The following CLEC2A variants were observed in gnomAD, a reference collection of about 807,000 sequenced individuals.
CLEC2A encodes C-type lectin domain family 2 member A.
CLEC2A carries 19 observed loss-of-function variants against 18.6 expected under a neutral mutation model. The ratio of observed to expected loss-of-function variants is 1.02; its 90% CI spans 0.71 to 1.50. The LOEUF (loss-of-function observed/expected upper bound fraction) is 1.50. Among genes scored for constraint, CLEC2A ranks in the 40% most tolerant of loss-of-function variants. The pLI is 0.00. For synonymous variants in CLEC2A, 74 were observed against 64.0 expected (o/e 1.16, Z -0.75); for missense variants, 190 against 207.9 (o/e 0.91, Z 0.53).
intron 2 of CLEC2A, among the ~76,000 whole-genome samples, chr12:9,924,984 C>A (rs531590183): frequency 6.6e-6 from 1 of 152,318 alleles, no homozygotes. Context: ...TGTGTGCAAA[C>A]AACATTTGTT....
the CLEC2A span, among the ~76,000 whole-genome samples, chr12:9,879,961 C>T: frequency 6.6e-6 from 1 of 152,198 alleles, no homozygotes; most frequent in East Asian, 1.9e-4. Context: ...ATCTCCACCT[C>T]AACCATACCT....
At chr12:9,883,207 A>G in the CLEC2A span, among the ~76,000 whole-genome samples, 12 of 152,224 alleles carry the variant, frequency 7.9e-5, no homozygotes, top group African/African-American at 2.4e-5. Context: ...AGTTACACCT[A>G]TTCCTTAAGA....
chr12:9,922,364 T>A, intron 2 of CLEC2A, 132 bp from the exon 3 acceptor site: 1 of 598,718 alleles, frequency 1.7e-6, no homozygotes, highest in South Asian at 3.5e-5. Context: ...CTCCCCAGAA[T>A]GAGGATGAAT....
At chr12:9,910,460 C>G (rs1010770889), downstream of CLEC2A, among the ~76,000 whole-genome samples, 1 of 152,078 alleles carries the variant, frequency 6.6e-6, no homozygotes. Flanking sequence ...TTCTTGCCCT[C>G]CCTTCTTCTA....
chr12:9,901,623 G>T (rs1421406060), intron 4 of CLEC2A, among the ~76,000 whole-genome samples: 1 of 151,728 alleles, frequency 6.6e-6, no homozygotes, highest in Non-Finnish European at 1.5e-5. Context: ...GACACTGTAG[G>T]GGCCCTCTGA....
chr12:9,918,999 G>T (rs1290371678), intron 3 of CLEC2A, among the ~76,000 whole-genome samples: 1 of 152,184 alleles, frequency 6.6e-6, no homozygotes, highest in Non-Finnish European at 1.5e-5. Flanking sequence ...TGATCCAGTA[G>T]GTTGCGCTTG....
the CLEC2A span, among the ~76,000 whole-genome samples, chr12:9,885,232 C>T: frequency 6.6e-6 from 1 of 151,606 alleles, no homozygotes; most frequent in East Asian, 1.9e-4. Context: ...TAAAGAACCC[C>T]CAATAGAGGT....
At chr12:9,913,779 C>T (rs2137033092) in intron 4 of CLEC2A, 99 bp from the exon 5 acceptor site, 1 of 727,840 alleles carries the variant, frequency 1.4e-6, no homozygotes, top group Admixed American at 3.3e-5. Flanking sequence ...ATACCAAACA[C>T]TGAGCTCCCA....
At chr12:9,922,336 C>G in intron 2 of CLEC2A, 104 bp from the exon 3 acceptor site, 1 of 840,896 alleles carries the variant, frequency 1.2e-6, no homozygotes, top group Non-Finnish European at 1.7e-6. Context: ...GTTTGAGGCC[C>G]GTAAGTTAGC....
At chr12:9,914,783 T>A (rs911633448) in intron 4 of CLEC2A, among the ~76,000 whole-genome samples, 3 of 151,874 alleles carry the variant, frequency 2.0e-5, no homozygotes, top group Non-Finnish European at 4.4e-5. Flanking sequence ...CTAGGCAATA[T>A]CATTCAGGAC....
At chr12:9,894,153 TCC>T (rs1555127283), downstream of CLEC2A, among the ~76,000 whole-genome samples, 2 of 143,980 alleles carry the variant, frequency 1.4e-5, no homozygotes, top group Admixed American at 7.0e-5. Context: ...TCTCTCTCTC[TCC>T]CTCCCTTCCT....
chr12:9,923,428 A>G (rs1591795006), intron 2 of CLEC2A, among the ~76,000 whole-genome samples: 1 of 152,278 alleles, frequency 6.6e-6, no homozygotes, highest in East Asian at 1.9e-4. Context: ...TCAGGAAACA[A>G]CAGGTGCTGG....
At chr12:9,909,985 T>G (rs1862960295), downstream of CLEC2A, among the ~76,000 whole-genome samples, 1 of 152,118 alleles carries the variant, frequency 6.6e-6, no homozygotes, top group Admixed American at 6.5e-5. Context: ...GCTTGCTCCC[T>G]CTGATTTTTA....
downstream of CLEC2A, among the ~76,000 whole-genome samples, chr12:9,894,036 CTTTT>C (rs1449974550): frequency 2.0e-5 from 3 of 151,714 alleles, no homozygotes; most frequent in African/African-American, 4.8e-5. Context: ...TCTTCTCTTT[CTTTT>C]TCTTTCTTTC....
At chr12:9,895,944 T>C (rs980105530), downstream of CLEC2A, 21 of 1,022,288 alleles carry the variant, frequency 2.1e-5, no homozygotes, top group East Asian at 3.0e-5. Flanking sequence ...ACAGACATCA[T>C]CTAAATAGGA....
intron 1 of CLEC2A, among the ~76,000 whole-genome samples, chr12:9,930,491 C>T (rs552083067): frequency 4.6e-5 from 7 of 152,108 alleles, no homozygotes; most frequent in South Asian, 2.1e-4. Context: ...CTAGTTCTCT[C>T]GTCTTTTCTA....
intron 4 of CLEC2A, among the ~76,000 whole-genome samples, chr12:9,915,156 C>G (rs894537203): frequency 6.6e-6 from 1 of 151,778 alleles, no homozygotes; most frequent in East Asian, 1.9e-4. Context: ...AATGAGATAC[C>G]ATCTCATGCC....
At chr12:9,905,374 C>T (rs1862892507) in intron 4 of CLEC2A, among the ~76,000 whole-genome samples, 2 of 152,126 alleles carry the variant, frequency 1.3e-5, no homozygotes, top group Admixed American at 1.3e-4. Flanking sequence ...GCAGGGAACA[C>T]CAAGGGTGGC....
chr12:9,903,028 G>A (rs1862857266), intron 4 of CLEC2A, among the ~76,000 whole-genome samples: 1 of 152,204 alleles, frequency 6.6e-6, no homozygotes, highest in Non-Finnish European at 1.5e-5. Flanking sequence ...ACATGTCTGG[G>A]TGTGTCAGGG....
Sources: gnomAD v4.1 joint callset for allele counts (sites outside exome capture counted in the v4.1 genomes callset) on GRCh38, gnomAD v4.1.1 for gene constraint, MANE v1.5 for transcripts, NCBI Gene and HGNC (gene_info 2026-07-23, HGNC 2026-07-21) for gene names.